The following KRABD2 variants were observed in gnomAD, a reference collection of about 807,000 sequenced individuals.
KRABD2 encodes KRAB domain-containing protein 2.
chr17:8,369,693 C>T, the KRABD2 span: 2 of 1,614,248 alleles, frequency 1.2e-6, no homozygotes, highest in South Asian at 1.1e-5. Flanking sequence ...TAACAAGACA[C>T]TGACCACCTC....
the KRABD2 span, chr17:8,376,121 G>C: frequency 4.1e-5 from 51 of 1,231,618 alleles, no homozygotes; most frequent in Non-Finnish European, 5.2e-5. Flanking sequence ...GGTAGGGACG[G>C]AGGCTTCTAC....
chr17:8,373,324 G>A, the KRABD2 span, among the ~76,000 whole-genome samples: 3 of 152,214 alleles, frequency 2.0e-5, no homozygotes, highest in Admixed American at 2.0e-4. Context: ...GCCCACAGGC[G>A]CCGCCATGCC....
the KRABD2 span, among the ~76,000 whole-genome samples, chr17:8,372,840 G>T: frequency 6.6e-6 from 1 of 152,160 alleles, no homozygotes; most frequent in Non-Finnish European, 1.5e-5. This position sits in a 1 kb window ranked among gnomAD's most constrained non-coding sequence, Gnocchi z 4.1. Flanking sequence ...AAGGTGAGAG[G>T]ATTGCTTGAG....
chr17:8,374,567 T>C, the KRABD2 span, among the ~76,000 whole-genome samples: 1 of 149,490 alleles, frequency 6.7e-6, no homozygotes, highest in East Asian at 2.0e-4. Context: ...CCTCCACTAT[T>C]GTCCTATGAC....
At chr17:8,376,639 G>A in the KRABD2 span, 4 of 985,516 alleles carry the variant, frequency 4.1e-6, no homozygotes, top group Non-Finnish European at 4.8e-6. Flanking sequence ...TCAGGAAGGA[G>A]AAAGGGACAC....
the KRABD2 span, chr17:8,375,697 CTTTCT>C: frequency 2.7e-5 from 5 of 182,338 alleles, no homozygotes; most frequent in Admixed American, 6.8e-5. Context: ...TTTTTCTTTT[CTTTCT>C]TTTTTTTTTT....
the KRABD2 span, chr17:8,369,605 A>G: frequency 1.2e-6 from 2 of 1,613,860 alleles, no homozygotes; most frequent in Non-Finnish European, 1.7e-6. Flanking sequence ...CATTGAGCTC[A>G]TGAACAACCT....
At chr17:8,371,208 T>C in the KRABD2 span, 28 of 1,090,690 alleles carry the variant, frequency 2.6e-5, no homozygotes, top group Admixed American at 1.3e-4. Flanking sequence ...TCTGTCCTTA[T>C]CTTGGGGAAT....
the KRABD2 span, among the ~76,000 whole-genome samples, chr17:8,374,399 G>T: frequency 1.3e-5 from 2 of 152,060 alleles, no homozygotes; most frequent in Non-Finnish European, 2.9e-5. Context: ...TGCAAGATGT[G>T]CTTTGTTAAA....
the KRABD2 span, chr17:8,373,805 T>G: frequency 3.8e-3 from 565 of 149,294 alleles, 4 homozygotes; most frequent in African/African-American, 0.015. Context: ...GATGTGAGGA[T>G]CGCCTCTGCC....
the KRABD2 span, chr17:8,376,250 G>A: frequency 1.6e-6 from 2 of 1,229,742 alleles, no homozygotes; most frequent in African/African-American, 3.1e-5. Context: ...GTAGAGCAGC[G>A]GTACGGCCGA....
chr17:8,367,544 T>A, the KRABD2 span, among the ~76,000 whole-genome samples: 5 of 150,546 alleles, frequency 3.3e-5, no homozygotes, highest in Admixed American at 6.6e-5. Flanking sequence ...ACGCCTGTAG[T>A]CCCAGCTACT....
At chr17:8,363,127 C>T in the KRABD2 span, among the ~76,000 whole-genome samples, 3 of 152,126 alleles carry the variant, frequency 2.0e-5, no homozygotes, top group Non-Finnish European at 4.4e-5. Context: ...GAGAATGATA[C>T]ACTGATGACT....
chr17:8,366,093 C>G, the KRABD2 span, among the ~76,000 whole-genome samples: 1 of 151,580 alleles, frequency 6.6e-6, no homozygotes, highest in Non-Finnish European at 1.5e-5. Flanking sequence ...GTGGCCACTG[C>G]ACTCCAGCCC....
the KRABD2 span, among the ~76,000 whole-genome samples, chr17:8,366,244 C>T: frequency 6.6e-6 from 1 of 152,176 alleles, no homozygotes; most frequent in Non-Finnish European, 1.5e-5. Context: ...ATGGGCTGGG[C>T]ACTCTTAGGC....
the KRABD2 span, among the ~76,000 whole-genome samples, chr17:8,363,863 T>TATATATA: frequency 0.016 from 888 of 54,976 alleles, no homozygotes; most frequent in East Asian, 0.044. Context: ...ATATATATAT[T>TATATATA]TATTTATTTA....
the KRABD2 span, among the ~76,000 whole-genome samples, chr17:8,372,970 T>C: frequency 6.6e-6 from 1 of 152,196 alleles, no homozygotes; most frequent in Non-Finnish European, 1.5e-5. The surrounding 1 kb of genome is among the most constrained non-coding windows in gnomAD (Gnocchi z 4.1). Context: ...AGATGTAGAA[T>C]CTCAGTCTTT....
At chr17:8,360,901 T>C in the KRABD2 span, among the ~76,000 whole-genome samples, 5 of 152,196 alleles carry the variant, frequency 3.3e-5, no homozygotes, top group Non-Finnish European at 7.3e-5. Flanking sequence ...CAATGGTCTG[T>C]TGTACTAATG....
At chr17:8,369,247 C>A in the KRABD2 span, 4 of 1,614,130 alleles carry the variant, frequency 2.5e-6, no homozygotes, top group Non-Finnish European at 3.4e-6. Context: ...TCAGCCCTTT[C>A]TTCCTGCCTG....
Sources: allele counts gnomAD v4.1 joint callset (sites outside exome capture counted in the v4.1 genomes callset), GRCh38; gene constraint gnomAD v4.1.1; non-coding constraint Gnocchi (gnomAD v3.1); transcripts MANE v1.5; gene names NCBI Gene and HGNC (gene_info 2026-07-23, HGNC 2026-07-21).